Variants in SLC14A2 observed in about 807,000 individuals in gnomAD.
SLC14A2 encodes urea transporter 2.
SLC14A2 carries 91 observed loss-of-function variants against 104.6 expected under a neutral mutation model. The observed-to-expected ratio is 0.87, with a 90% CI of 0.73 to 1.04. The LOEUF (loss-of-function observed/expected upper bound fraction) is 1.04. Among genes scored for constraint, SLC14A2 ranks in the 50% least tolerant of loss-of-function variants. SLC14A2 has a pLI of 0.00. For missense variants in SLC14A2, 1,189 were observed against 1,156.0 expected (o/e 1.03, Z -0.41); for synonymous variants, 476 against 466.4 (o/e 1.02, Z -0.27).
intron 1 of SLC14A2, among the ~76,000 whole-genome samples, chr18:45,409,037 C>A (rs929875497): frequency 1.3e-5 from 2 of 152,006 alleles, no homozygotes; most frequent in African/African-American, 4.8e-5. Flanking sequence ...TACCTTTTAA[C>A]TTCTGTGTGT....
chr18:45,346,984 T>A (rs1568161554), intron 1 of SLC14A2, among the ~76,000 whole-genome samples: 1 of 117,868 alleles, frequency 8.5e-6, no homozygotes, highest in African/African-American at 4.3e-5. Flanking sequence ...AAAATAAAAA[T>A]AAATAAATAA....
At chr18:45,329,409 T>A (rs1203422537) in intron 1 of SLC14A2, among the ~76,000 whole-genome samples, 3 of 152,140 alleles carry the variant, frequency 2.0e-5, no homozygotes, top group African/African-American at 7.2e-5. Flanking sequence ...CCCTAGCATA[T>A]CTTCAAATAA....
At chr18:45,504,677 C>T (rs1171116061) in intron 2 of SLC14A2, among the ~76,000 whole-genome samples, 2 of 152,140 alleles carry the variant, frequency 1.3e-5, no homozygotes, top group Non-Finnish European at 2.9e-5. Flanking sequence ...CTTGCATTAC[C>T]CAGTGGATAC....
At chr18:45,278,976 C>G (rs1426396956) in intron 1 of SLC14A2, among the ~76,000 whole-genome samples, 3 of 152,112 alleles carry the variant, frequency 2.0e-5, no homozygotes, top group Non-Finnish European at 2.9e-5. Flanking sequence ...TTCTATCTAT[C>G]CATAGATAGA....
intron 2 of SLC14A2, among the ~76,000 whole-genome samples, chr18:45,484,729 GTC>G (rs145658355): frequency 1.6e-3 from 238 of 148,502 alleles, no homozygotes; most frequent in Admixed American, 2.1e-3. Flanking sequence ...CTAACTCACT[GTC>G]TCTCTCTCTC....
intron 2 of SLC14A2, among the ~76,000 whole-genome samples, chr18:45,590,700 A>G (rs1338683712): frequency 2.6e-5 from 4 of 152,204 alleles, no homozygotes; most frequent in African/African-American, 9.6e-5. Context: ...TGAAGTAGGA[A>G]TGTCACACCC....
chr18:45,653,627 A>G (rs1195154329), intron 10 of SLC14A2, among the ~76,000 whole-genome samples: 1 of 152,072 alleles, frequency 6.6e-6, no homozygotes, highest in Non-Finnish European at 1.5e-5. Flanking sequence ...GCTCCCTAAT[A>G]TATAGATCTC....
intron 10 of SLC14A2, among the ~76,000 whole-genome samples, chr18:45,657,913 G>A (rs923219185): frequency 3.9e-5 from 6 of 152,020 alleles, no homozygotes; most frequent in East Asian, 1.9e-4. Flanking sequence ...TATCCATATC[G>A]CACACACAGA....
intron 1 of SLC14A2, among the ~76,000 whole-genome samples, chr18:45,227,115 T>C (rs1052777289): frequency 6.6e-6 from 1 of 152,050 alleles, no homozygotes; most frequent in African/African-American, 2.4e-5. Flanking sequence ...AATGCCTTTC[T>C]CTCCCCAGCA....
chr18:45,674,259 A>G (rs933799407), intron 18 of SLC14A2, among the ~76,000 whole-genome samples: 3 of 152,240 alleles, frequency 2.0e-5, no homozygotes, highest in Non-Finnish European at 2.9e-5. Flanking sequence ...TCTTGATGTT[A>G]TATGACTGGA....
At chr18:45,373,201 T>G (rs2144358824) in intron 1 of SLC14A2, among the ~76,000 whole-genome samples, 1 of 152,368 alleles carries the variant, frequency 6.6e-6, no homozygotes, top group African/African-American at 2.4e-5. Context: ...TGATAGTTCC[T>G]TATAACTCAT....
chr18:45,400,275 C>T (rs1030718876), intron 1 of SLC14A2, among the ~76,000 whole-genome samples: 1 of 152,164 alleles, frequency 6.6e-6, no homozygotes, highest in African/African-American at 2.4e-5. Context: ...CAGTCCTTCA[C>T]TCTTTACTTG....
intron 1 of SLC14A2, among the ~76,000 whole-genome samples, chr18:45,342,717 A>G (rs1431165358): frequency 1.3e-5 from 2 of 152,196 alleles, no homozygotes; most frequent in African/African-American, 4.8e-5. Context: ...CATACTTAGG[A>G]GGTAAATTGA....
intron 1 of SLC14A2, among the ~76,000 whole-genome samples, chr18:45,340,237 A>G (rs139198120): frequency 8.5e-5 from 13 of 152,372 alleles, no homozygotes; most frequent in African/African-American, 3.1e-4. Flanking sequence ...ATGACAGGAA[A>G]AAAATTACCT....
rs796570305 is a variant in SLC14A2 at position 45,675,059 on chromosome 18, CCTCT to C, written c.2512+1247_2512+1250del. The stretch of plus-strand genomic sequence containing the variant: ...CCCCACCCCCTTTCCCAGCATGGCA[CCTCT>C]CTCTATTCCAGAAGCCTCTGATAAA... On this transcript the variant is annotated intron_variant, in intron 18 of 19. Coordinates refer to ENST00000255226, the MANE Select transcript of SLC14A2 (RefSeq NM_007163.4). Among the ~76,000 whole-genome samples, 3 of 152,274 alleles carry C rather than the reference CCTCT, an allele frequency of 2.0e-5. No homozygotes were observed. The South Asian group carries it at 6.2e-4, about 32-fold the overall frequency.
chr18:45,525,295 G>A (rs2043579109), intron 2 of SLC14A2, among the ~76,000 whole-genome samples: 1 of 152,162 alleles, frequency 6.6e-6, no homozygotes, highest in Admixed American at 6.5e-5. Context: ...CTAAGCAAAT[G>A]AAACAAGACT....
chr18:45,179,169 A>G, the SLC14A2 span, among the ~76,000 whole-genome samples: 2 of 152,064 alleles, frequency 1.3e-5, no homozygotes, highest in Non-Finnish European at 2.9e-5. Flanking sequence ...ACCCTTATCA[A>G]TTTGCATGGT....
At chr18:45,405,578 C>A (rs1408821929) in intron 1 of SLC14A2, among the ~76,000 whole-genome samples, 2 of 152,082 alleles carry the variant, frequency 1.3e-5, no homozygotes, top group African/African-American at 4.8e-5. Context: ...GATGTACATA[C>A]CTTAATTTAA....
At chr18:45,677,248 G>C (rs895959897) in intron 18 of SLC14A2, among the ~76,000 whole-genome samples, 2 of 152,214 alleles carry the variant, frequency 1.3e-5, no homozygotes, top group Non-Finnish European at 2.9e-5. Context: ...AAATATCAGT[G>C]GGGGAAGAGG....
Sources: allele counts gnomAD v4.1 joint callset (sites outside exome capture counted in the v4.1 genomes callset), GRCh38; gene constraint gnomAD v4.1.1; transcripts MANE v1.5; gene names NCBI Gene and HGNC (gene_info 2026-07-23, HGNC 2026-07-21).